Variants in GRAMD2B observed in about 807,000 individuals in gnomAD.
GRAMD2B encodes GRAM domain containing 2B, also known as GRAM domain-containing protein 2B.
Under a neutral mutation model 59.2 loss-of-function variants are expected in GRAMD2B, and 41 were observed. That is an observed-to-expected ratio of 0.69 (90% CI 0.54 to 0.90). The LOEUF (loss-of-function observed/expected upper bound fraction) is 0.90. Among genes scored for constraint, GRAMD2B ranks in the 40% least tolerant of loss-of-function variants. GRAMD2B has a pLI of 0.00. For synonymous variants in GRAMD2B, 161 were observed against 182.7 expected (o/e 0.88, Z 0.96); for missense variants, 424 against 500.5 (o/e 0.85, Z 1.46).
chr5:126,424,621 T>C (rs990091672), intron 1 of GRAMD2B, among the ~76,000 whole-genome samples: 9 of 152,368 alleles, frequency 5.9e-5, no homozygotes, highest in African/African-American at 1.7e-4. Context: ...GGTGTCCCCA[T>C]GGACATTTCT....
At chr5:126,487,737 A>G (rs1317732736) in intron 12 of GRAMD2B, among the ~76,000 whole-genome samples, 1 of 152,222 alleles carries the variant, frequency 6.6e-6, no homozygotes, top group African/African-American at 2.4e-5. Flanking sequence ...ACCTTAGAAT[A>G]GAACTGTTCC....
At chr5:126,423,922 C>G (rs1760117825) in intron 1 of GRAMD2B, among the ~76,000 whole-genome samples, 1 of 152,150 alleles carries the variant, frequency 6.6e-6, no homozygotes, top group African/African-American at 2.4e-5. Context: ...TCTCTTAATT[C>G]AAAACTCACT....
chr5:126,432,652 G>T (rs1387077664), intron 1 of GRAMD2B, among the ~76,000 whole-genome samples: 3 of 152,126 alleles, frequency 2.0e-5, no homozygotes, highest in African/African-American at 7.2e-5. Context: ...AATATACAGT[G>T]TGGTCCTCAA....
chr5:126,475,055 A>G (rs935218280), intron 5 of GRAMD2B, among the ~76,000 whole-genome samples: 2 of 152,232 alleles, frequency 1.3e-5, no homozygotes, highest in African/African-American at 4.8e-5. Context: ...ATTGCTCTAC[A>G]ACGGGAACTT....
Position 126,378,608 on chromosome 5 carries a change from G to A in GRAMD2B, c.125+7041G>A, listed in dbSNP as rs556658515. ...TCCAACAGATCTGTTTTTTCTATTC[G>A]TAGAACTTGATACACACTGTATACT... On this transcript the variant is annotated intron_variant, in intron 1 of 8. Transcript: ENST00000506445. Among the ~76,000 whole-genome samples, 17 of 152,050 alleles carry A rather than the reference G, an allele frequency of 1.1e-4. No homozygotes were observed. The South Asian group carries it at 2.1e-3, about 19-fold the overall frequency.
chr5:126,403,780 C>T (rs775989122), intron 1 of GRAMD2B, among the ~76,000 whole-genome samples: 2 of 151,876 alleles, frequency 1.3e-5, no homozygotes, highest in Non-Finnish European at 2.9e-5. Context: ...ACATAAAAGT[C>T]TCTAAACTTT....
intron 1 of GRAMD2B, among the ~76,000 whole-genome samples, chr5:126,393,214 A>G: frequency 6.6e-6 from 1 of 152,072 alleles, no homozygotes. Context: ...CATCTCCCCA[A>G]TTATAAACTG....
At chr5:126,383,637 T>C (rs1268825986) in intron 1 of GRAMD2B, among the ~76,000 whole-genome samples, 2 of 152,160 alleles carry the variant, frequency 1.3e-5, no homozygotes, top group African/African-American at 4.8e-5. Flanking sequence ...GTTGTTGCTG[T>C]ATGGCAAAAC....
chr5:126,486,234 A>G (rs1385555825), intron 11 of GRAMD2B, among the ~76,000 whole-genome samples: 3 of 152,146 alleles, frequency 2.0e-5, no homozygotes, highest in Non-Finnish European at 4.4e-5. Context: ...TTGAAACTCT[A>G]TCATTGTTAA....
chr5:126,482,604 G>C (rs140653723), intron 8 of GRAMD2B, among the ~76,000 whole-genome samples: 1,878 of 152,310 alleles, frequency 0.012, 17 homozygotes, highest in Non-Finnish European at 0.019. Context: ...AGGCATTCAA[G>C]AAATCATTAC....
chr5:126,364,940 G>C (rs1333905450), intron 1 of GRAMD2B, among the ~76,000 whole-genome samples: 1 of 152,126 alleles, frequency 6.6e-6, no homozygotes, highest in Non-Finnish European at 1.5e-5. Context: ...AGATGTGTCG[G>C]TTTCTCACTT....
At chr5:126,379,621 G>A (rs745419646) in intron 1 of GRAMD2B, among the ~76,000 whole-genome samples, 23 of 151,902 alleles carry the variant, frequency 1.5e-4, no homozygotes, top group East Asian at 3.9e-4. Context: ...AGGTGGTATC[G>A]CATTGTGGTT....
intron 13 of GRAMD2B, among the ~76,000 whole-genome samples, chr5:126,492,081 C>T (rs1013345719): frequency 1.3e-5 from 2 of 152,218 alleles, no homozygotes; most frequent in African/African-American, 4.8e-5. Context: ...TTACTGAGAA[C>T]ATTTTTGATG....
chr5:126,423,824 T>G, intron 1 of GRAMD2B, 135 bp downstream of exon 1: 1 of 706,590 alleles, frequency 1.4e-6, no homozygotes, highest in Non-Finnish European at 2.3e-6. Context: ...GCGCTCTCTC[T>G]GTCTCTCACT....
intron 13 of GRAMD2B, among the ~76,000 whole-genome samples, chr5:126,490,067 A>G (rs1404616844): frequency 3.3e-5 from 5 of 152,256 alleles, no homozygotes; most frequent in African/African-American, 1.2e-4. Flanking sequence ...TTCATATTAA[A>G]TCATTCTATT....
chr5:126,477,829 C>A, intron 6 of GRAMD2B, 42 bp downstream of exon 6: 1 of 1,164,448 alleles, frequency 8.6e-7, no homozygotes, highest in Non-Finnish European at 1.3e-6. Context: ...CTTTGTCCTC[C>A]TGCTCTGGGC....
intron 13 of GRAMD2B, among the ~76,000 whole-genome samples, chr5:126,490,659 T>C (rs1773761004): frequency 6.6e-6 from 1 of 152,246 alleles, no homozygotes; most frequent in Admixed American, 6.5e-5. Context: ...TTTTGATTCA[T>C]CTGCACCTTT....
rs536791353 is a variant in GRAMD2B, at chr5:126,484,296, C to T, written c.848-106C>T. On this transcript the variant is annotated intron_variant, in intron 9 of 13. Coordinates refer to ENST00000285689, the MANE Select transcript of GRAMD2B (RefSeq NM_023927.4). ...ACTAACTTGTGAGACCATCCATTCA[C>T]ATTCTTGACCATTATGCATGTTAAG... The T allele has an allele frequency of 9.4e-4, 1,229 of 1,307,004 alleles. 2 individuals carry two copies. The highest frequency in any genetic ancestry group is 1.2e-3 in the Non-Finnish European group (1,173 of 956,236). 81.0% of individuals were successfully genotyped at this position (1,307,004 alleles called of 1,614,324 possible).
rs150607372 is a variant in GRAMD2B, at chr5:126,464,874, C to A, written c.84-552C>A. Among the ~76,000 whole-genome samples, 823 of 152,184 alleles carry A rather than the reference C, an allele frequency of 5.4e-3. 8 individuals carry two copies. The highest frequency in any genetic ancestry group is 0.019 in the African/African-American group (777 of 41,512). ...AGCTCTCTGAACTTAGGCAAGATAG[C>A]AAGAGCCTCAGATTCCTCATCTGTA... On this transcript the variant is annotated intron_variant, in intron 1 of 13. Transcript: ENST00000285689.
Sources: allele counts gnomAD v4.1 joint callset (sites outside exome capture counted in the v4.1 genomes callset), GRCh38; gene constraint gnomAD v4.1.1; transcripts MANE v1.5; gene names NCBI Gene and HGNC (gene_info 2026-07-23, HGNC 2026-07-21).